TBC1D4: variants seen among roughly 807,000 people sequenced by gnomAD.
TBC1D4 encodes the protein TBC (Tre-2, BUB2, CDC16) domain-containing protein.
TBC1D4 carries 121 observed loss-of-function variants against 142.5 expected under a neutral mutation model. The ratio of observed to expected loss-of-function variants is 0.85; its 90% CI spans 0.73 to 0.99. TBC1D4 has a LOEUF of 0.99. Ranked by LOEUF, TBC1D4 falls within the 50% of genes least tolerant of loss-of-function variation. The pLI, the probability that TBC1D4 is intolerant of heterozygous loss-of-function variation, is 0.00. For synonymous variants in TBC1D4, 630 were observed against 628.2 expected (o/e 1.00, Z -0.04); for missense variants, 1,475 against 1,606.6 (o/e 0.92, Z 1.40).
intron 1 of TBC1D4, among the ~76,000 whole-genome samples, chr13:75,453,530 G>T (rs562914441): frequency 6.6e-6 from 1 of 152,006 alleles, no homozygotes; most frequent in Non-Finnish European, 1.5e-5. Flanking sequence ...ATATATGTAT[G>T]TATACTTCCA....
intron 1 of TBC1D4, among the ~76,000 whole-genome samples, chr13:75,470,888 G>A (rs1469967942): frequency 6.6e-6 from 1 of 151,972 alleles, no homozygotes; most frequent in Non-Finnish European, 1.5e-5. Flanking sequence ...TTGGGAGGCT[G>A]GGGCACAAGA....
intron 1 of TBC1D4, among the ~76,000 whole-genome samples, chr13:75,429,568 G>A (rs971977973): frequency 6.6e-6 from 1 of 152,238 alleles, no homozygotes; most frequent in African/African-American, 2.4e-5. Context: ...ATAAAAAAAA[G>A]TTGATAAAAT....
chr13:75,337,109 G>A (rs2138059102), intron 7 of TBC1D4, 69 bp from the exon 8 acceptor site: 1 of 1,432,924 alleles, frequency 7.0e-7, no homozygotes, highest in Non-Finnish European at 9.7e-7. Flanking sequence ...TTAATTATAG[G>A]CTTAAGACTA....
At chr13:75,454,080 G>A (rs934623259) in intron 1 of TBC1D4, among the ~76,000 whole-genome samples, 1 of 150,302 alleles carries the variant, frequency 6.7e-6, no homozygotes, top group Non-Finnish European at 1.5e-5. Flanking sequence ...GAAGTGCAGT[G>A]GTATGATCAT....
chr13:75,286,707 G>C lies in TBC1D4; in HGVS notation c.*85C>G. On this transcript the variant is annotated 3_prime_UTR_variant, in exon 21 of 21. Transcript: ENST00000377636. ...ATTAGGTGGTTCCATCAGCTTCAGG[G>C]TCCAGCCTTGGGCCAGCGACATGCA... is the stretch of plus-strand genomic sequence containing the variant. 7.2e-7 allele frequency: 1 copy of C among 1,382,516 alleles called. No individual in the cohort carries two copies. 85.6% of individuals were successfully genotyped at this position (1,382,516 alleles called of 1,614,324 possible).
At chr13:75,336,268 G>T (rs1003246705) in intron 8 of TBC1D4, among the ~76,000 whole-genome samples, 3 of 151,950 alleles carry the variant, frequency 2.0e-5, no homozygotes, top group African/African-American at 7.2e-5. Context: ...GTGGTGGCGC[G>T]CACCTGTAGT....
chr13:75,465,693 C>T (rs1219515369), intron 1 of TBC1D4, among the ~76,000 whole-genome samples: 3 of 151,730 alleles, frequency 2.0e-5, no homozygotes, highest in East Asian at 1.9e-4. Context: ...GGGGCAGGCA[C>T]ACCTCATTAT....
At chr13:75,437,065 TGAGA>T (rs1886829872) in intron 1 of TBC1D4, among the ~76,000 whole-genome samples, 1 of 152,062 alleles carries the variant, frequency 6.6e-6, no homozygotes, top group Non-Finnish European at 1.5e-5. Flanking sequence ...GTCAAGGCAA[TGAGA>T]GAGTAGAAAA....
chr13:75,398,181 T>C (rs907387623), intron 1 of TBC1D4, among the ~76,000 whole-genome samples: 2 of 152,234 alleles, frequency 1.3e-5, no homozygotes, highest in Non-Finnish European at 2.9e-5. Flanking sequence ...AAGCTGTTCT[T>C]ACCAAGGAGA....
chr13:75,355,349 T>A (rs1593780784), intron 4 of TBC1D4, among the ~76,000 whole-genome samples: 1 of 152,184 alleles, frequency 6.6e-6, no homozygotes, highest in Admixed American at 6.5e-5. Flanking sequence ...CATGGGAAGA[T>A]GGCATAGGTG....
intron 1 of TBC1D4, among the ~76,000 whole-genome samples, chr13:75,383,992 G>A (rs1593822321): frequency 6.6e-6 from 1 of 152,254 alleles, no homozygotes; most frequent in East Asian, 1.9e-4. Flanking sequence ...GAGGAAGGGG[G>A]AGGGATAGCA....
At chr13:75,365,325 C>G (rs761416748) in intron 1 of TBC1D4, among the ~76,000 whole-genome samples, 15 of 149,036 alleles carry the variant, frequency 1.0e-4, no homozygotes, top group Non-Finnish European at 1.6e-4. Flanking sequence ...AATCTAACAA[C>G]AGCTCTGTTT....
Position 75,481,436 on chromosome 13 carries a change from T to G in TBC1D4, c.332A>C (p.Gln111Pro). 2 of 1,613,814 alleles carry G rather than the reference T, an allele frequency of 1.2e-6. No individual in the cohort carries two copies. Among genetic ancestry groups the G allele is most frequent in the Non-Finnish European group, 1.7e-6 (2 of 1,179,776 alleles). Residue 111 changes from glutamine (Q) to proline (P), a missense_variant, in exon 1 of 21, where the codon CAG becomes CCG. By Grantham distance (76) the Gln-to-Pro change is moderately conservative. Transcript: ENST00000377636. Reference protein sequence around the residue: ...ASGGTSPSATQPNPAVFIFEH... With the variant: ...ASGGTSPSATPPNPAVFIFEH... ...GAAGATGAATACCGCCGGGTTGGGC[T>G]GCGTGGCCGACGGACTAGTGCCCCC...
intron 1 of TBC1D4, among the ~76,000 whole-genome samples, chr13:75,449,732 T>C (rs4885293): frequency 0.43 from 65,875 of 151,590 alleles, 16,522 homozygotes; most frequent in African/African-American, 0.68. Context: ...ATTACAGGCA[T>C]GCACCACCAC....
intron 5 of TBC1D4, among the ~76,000 whole-genome samples, chr13:75,342,640 T>C (rs1456169900): frequency 1.3e-5 from 2 of 152,120 alleles, no homozygotes; most frequent in Non-Finnish European, 2.9e-5. Context: ...GAGAAGGTTG[T>C]TTTTAAATTT....
intron 15 of TBC1D4, among the ~76,000 whole-genome samples, chr13:75,305,499 C>A (rs944936236): frequency 6.6e-6 from 1 of 152,220 alleles, no homozygotes; most frequent in African/African-American, 2.4e-5. Context: ...ATTTCCATAT[C>A]TTCAAGGATA....
chr13:75,480,527 G>GA (rs541093705), intron 1 of TBC1D4, among the ~76,000 whole-genome samples: 44 of 151,288 alleles, frequency 2.9e-4, no homozygotes, highest in South Asian at 8.4e-4. Flanking sequence ...GAAGACTCTG[G>GA]AAAAAAAATA....
intron 13 of TBC1D4, among the ~76,000 whole-genome samples, chr13:75,312,424 A>AAAAGAAAGAAAGAAAGAAAGAAAG: frequency 7.4e-6 from 1 of 136,004 alleles, no homozygotes; most frequent in South Asian, 2.4e-4. Flanking sequence ...GGGAAAAAAA[A>AAAAGAAAGAAAGAAAGAAAGAAAG]AAAGAAAGAA....
chr13:75,321,405 G>A (rs1478152499), intron 11 of TBC1D4, among the ~76,000 whole-genome samples: 2 of 151,268 alleles, frequency 1.3e-5, no homozygotes, highest in Non-Finnish European at 2.9e-5. Flanking sequence ...ATTCACAAAT[G>A]GCTTAGAATG....
Sources: gnomAD v4.1 joint callset for allele counts (sites outside exome capture counted in the v4.1 genomes callset) on GRCh38, gnomAD v4.1.1 for gene constraint, MANE v1.5 for transcripts, NCBI Gene and HGNC (gene_info 2026-07-23, HGNC 2026-07-21) for gene names.